The following TLL1 variants were observed in gnomAD, a reference collection of about 807,000 sequenced individuals.
TLL1 encodes the protein tolloid-like protein 1.
TLL1 carries 49 observed loss-of-function variants against 128.2 expected under a neutral mutation model. The ratio of observed to expected loss-of-function variants is 0.38; its 90% CI spans 0.30 to 0.48. The LOEUF is 0.48. Ranked by LOEUF, TLL1 falls within the 20% of genes least tolerant of loss-of-function variation. The pLI is 0.96. For missense variants in TLL1, 1,123 were observed against 1,242.0 expected, an observed-to-expected ratio of 0.90 and a Z score of 1.44; for synonymous variants, 454 against 418.8, an observed-to-expected ratio of 1.08 and a Z score of -1.03.
chr4:165,990,092 A>G lies in TLL1; in HGVS notation c.280+601A>G, dbSNP rs1736568287. On this transcript the variant is annotated intron_variant, in intron 2 of 20. Coordinates refer to ENST00000061240, the MANE Select transcript of TLL1 (RefSeq NM_012464.5). ...GGCAATTTTAATTTTAGTTGATTTA[A>G]ACATGTTTGAATTATGCCTGTAAGA... 2.0e-5 allele frequency among the ~76,000 whole-genome samples: 3 copies of G among 151,930 alleles called. No individual in the cohort carries two copies. In the South Asian group the frequency reaches 6.2e-4, roughly 31 times the overall value.
intron 1 of TLL1, among the ~76,000 whole-genome samples, chr4:165,917,789 A>G (rs1732853437): frequency 1.3e-5 from 2 of 152,140 alleles, no homozygotes. Context: ...TGGCCTTCTT[A>G]AATTTTGGCA....
rs1342424890 is a variant in TLL1, at chr4:165,958,791, C to G, written c.170-30590C>G. ...TTAGACACGAAGTCCTTGCCCATGC[C>G]TATGTCCTGAATGGTAATGCCTAGG... is the stretch of plus-strand genomic sequence containing the variant. On this transcript the variant is annotated intron_variant, in intron 1 of 20. Transcript: ENST00000061240. 7.4e-5 allele frequency among the ~76,000 whole-genome samples: 11 copies of G among 148,752 alleles called. No homozygotes were observed. The East Asian group carries it at 9.8e-4, about 13-fold the overall frequency.
At chr4:165,973,393 T>G (rs1214018606) in intron 1 of TLL1, among the ~76,000 whole-genome samples, 1 of 151,964 alleles carries the variant, frequency 6.6e-6, no homozygotes, top group Non-Finnish European at 1.5e-5. Flanking sequence ...ATAAACTATC[T>G]TATACAACTT....
chr4:165,879,966 G>GTCC (rs1475782208), intron 1 of TLL1, among the ~76,000 whole-genome samples: 1 of 151,628 alleles, frequency 6.6e-6, no homozygotes, highest in Non-Finnish European at 1.5e-5. Context: ...GGAGTGCAGA[G>GTCC]TCCTCTCCCC....
At chr4:166,089,729 G>A (rs1004876468) in intron 18 of TLL1, among the ~76,000 whole-genome samples, 1 of 152,006 alleles carries the variant, frequency 6.6e-6, no homozygotes, top group Non-Finnish European at 1.5e-5. Context: ...CATCCATAAT[G>A]ATTATAACAA....
intron 18 of TLL1, among the ~76,000 whole-genome samples, chr4:166,080,226 G>T (rs1431732444): frequency 2.6e-5 from 4 of 152,094 alleles, no homozygotes; most frequent in African/African-American, 9.7e-5. Context: ...TTCATAGAGA[G>T]AGACAGAGCT....
intron 7 of TLL1, among the ~76,000 whole-genome samples, chr4:166,010,823 TG>T (rs1311751373): frequency 2.0e-5 from 3 of 150,574 alleles, no homozygotes; most frequent in Admixed American, 6.7e-5. Flanking sequence ...TTTTTTAAAG[TG>T]TTTTTTTTAA....
intron 1 of TLL1, among the ~76,000 whole-genome samples, chr4:165,966,544 T>C (rs919100711): frequency 3.9e-5 from 6 of 152,172 alleles, no homozygotes; most frequent in African/African-American, 1.4e-4. Context: ...GATATTTCAA[T>C]GTAGGTTATT....
intron 12 of TLL1, among the ~76,000 whole-genome samples, chr4:166,047,462 C>T (rs1043500512): frequency 2.0e-5 from 3 of 149,480 alleles, no homozygotes; most frequent in Non-Finnish European, 1.5e-5. Flanking sequence ...CCGCACCTGG[C>T]CTCATTTATT....
chr4:166,044,676 C>T (rs1200649354), intron 12 of TLL1, among the ~76,000 whole-genome samples: 2 of 151,660 alleles, frequency 1.3e-5, no homozygotes, highest in Non-Finnish European at 1.5e-5. Context: ...TCAAATAGAC[C>T]GGTTTATTGT....
intron 1 of TLL1, among the ~76,000 whole-genome samples, chr4:165,909,153 C>T (rs2110868145): frequency 6.6e-6 from 1 of 152,134 alleles, no homozygotes; most frequent in Non-Finnish European, 1.5e-5. Context: ...TGCCACTGCA[C>T]TCCAGTCTGG....
chr4:165,951,669 G>T (rs192151003), intron 1 of TLL1, among the ~76,000 whole-genome samples: 14 of 152,234 alleles, frequency 9.2e-5, no homozygotes, highest in East Asian at 3.9e-4. Flanking sequence ...TGACTAAGTT[G>T]TGTATGACTT....
At chr4:165,950,658 A>G (rs1056456091) in intron 1 of TLL1, among the ~76,000 whole-genome samples, 11 of 152,142 alleles carry the variant, frequency 7.2e-5, no homozygotes, top group Non-Finnish European at 1.5e-4. Flanking sequence ...TAACATATCA[A>G]TAAATACTCA....
intron 1 of TLL1, among the ~76,000 whole-genome samples, chr4:165,973,101 G>A (rs964994590): frequency 3.3e-5 from 5 of 152,092 alleles, no homozygotes; most frequent in Non-Finnish European, 7.4e-5. Flanking sequence ...AGAACTAATA[G>A]GATATATGTA....
chr4:165,891,198 G>A (rs770451097), intron 1 of TLL1, among the ~76,000 whole-genome samples: 72 of 152,258 alleles, frequency 4.7e-4, no homozygotes, highest in Middle Eastern at 3.4e-3. Context: ...AAGCCTTCTG[G>A]CTTGTGATGG....
At chr4:165,991,871 C>T (rs1356821032) in intron 2 of TLL1, among the ~76,000 whole-genome samples, 1 of 151,900 alleles carries the variant, frequency 6.6e-6, no homozygotes, top group Non-Finnish European at 1.5e-5. Context: ...GTTAAGATGT[C>T]ATTAGTGGCT....
intron 1 of TLL1, among the ~76,000 whole-genome samples, chr4:165,911,410 A>T (rs1454309149): frequency 6.6e-6 from 1 of 152,182 alleles, no homozygotes; most frequent in African/African-American, 2.4e-5. Context: ...CATCGTGTAT[A>T]TATACCACAT....
At chr4:165,983,637 C>T (rs1320818435) in intron 1 of TLL1, among the ~76,000 whole-genome samples, 1 of 151,786 alleles carries the variant, frequency 6.6e-6, no homozygotes, top group African/African-American at 2.4e-5. Flanking sequence ...ATTCTATTTC[C>T]TGATTTAAAA....
At chr4:165,876,759 A>G (rs1730740110) in intron 1 of TLL1, among the ~76,000 whole-genome samples, 1 of 152,230 alleles carries the variant, frequency 6.6e-6, no homozygotes. Context: ...TGACAATTAC[A>G]CTGCATTCTT....
Sources: allele counts gnomAD v4.1 joint callset (sites outside exome capture counted in the v4.1 genomes callset), GRCh38; gene constraint gnomAD v4.1.1; transcripts MANE v1.5; gene names NCBI Gene and HGNC (gene_info 2026-07-23, HGNC 2026-07-21).